TRHDE: variants seen among roughly 807,000 people sequenced by gnomAD.
The protein encoded by TRHDE is thyrotropin releasing hormone degrading enzyme, also known as thyrotropin-releasing hormone-degrading ectoenzyme.
Under a neutral mutation model 125.7 loss-of-function variants are expected in TRHDE, and 72 were observed. The observed-to-expected ratio is 0.57, with a 90% CI of 0.47 to 0.70. TRHDE has a LOEUF of 0.70. Among genes scored for constraint, TRHDE ranks in the 30% least tolerant of loss-of-function variants. TRHDE has a pLI of 0.00. For synonymous variants in TRHDE, 509 were observed against 509.1 expected (o/e 1.00, Z 0.00); for missense variants, 1,110 against 1,327.1 (o/e 0.84, Z 2.54).
chr12:72,102,907 G>A (rs1040135260), intron 1 of TRHDE, among the ~76,000 whole-genome samples: 16 of 152,210 alleles, frequency 1.1e-4, no homozygotes, highest in Non-Finnish European at 2.1e-4. Context: ...CCTGCTCACC[G>A]AAGGCCATAT....
chr12:72,124,635 A>G (rs913857172), intron 2 of TRHDE, among the ~76,000 whole-genome samples: 6 of 152,192 alleles, frequency 3.9e-5, no homozygotes, highest in Admixed American at 6.5e-5. Context: ...GTAATATTCA[A>G]TTGAGTGATT....
At chr12:72,096,050 A>G (rs1874908238) in intron 1 of TRHDE, among the ~76,000 whole-genome samples, 1 of 151,362 alleles carries the variant, frequency 6.6e-6, no homozygotes, top group African/African-American at 2.4e-5. Context: ...CTCCAGTGTG[A>G]TGGCTCACAC....
intron 2 of TRHDE, among the ~76,000 whole-genome samples, chr12:72,228,521 A>G (rs1878182681): frequency 6.6e-6 from 1 of 151,996 alleles, no homozygotes; most frequent in Non-Finnish European, 1.5e-5. Context: ...TGCTGTGAAG[A>G]CCTCTGATGT....
intron 2 of TRHDE, among the ~76,000 whole-genome samples, chr12:72,107,823 T>G (rs1159380439): frequency 2.1e-5 from 3 of 143,714 alleles, no homozygotes; most frequent in Non-Finnish European, 3.0e-5. Context: ...AGACATTTTT[T>G]GAAATCTAAT....
At chr12:72,172,586 A>C (rs1242737389) in intron 2 of TRHDE, among the ~76,000 whole-genome samples, 1 of 152,202 alleles carries the variant, frequency 6.6e-6, no homozygotes, top group African/African-American at 2.4e-5. Context: ...ACTGGTAGTC[A>C]TTAGGGATGG....
intron 2 of TRHDE, among the ~76,000 whole-genome samples, chr12:72,327,609 A>G (rs1173660180): frequency 6.6e-6 from 1 of 152,184 alleles, no homozygotes; most frequent in Non-Finnish European, 1.5e-5. Context: ...TGAGATCACA[A>G]TTAAGAGAAG....
At chr12:72,088,123 C>A (rs758078072) in intron 1 of TRHDE, among the ~76,000 whole-genome samples, 9 of 152,162 alleles carry the variant, frequency 5.9e-5, no homozygotes, top group Non-Finnish European at 1.3e-4. Context: ...GTACTAGCAT[C>A]TTGGGTGCTT....
intron 7 of TRHDE, among the ~76,000 whole-genome samples, chr12:72,557,390 T>A (rs893447335): frequency 1.3e-5 from 2 of 152,174 alleles, no homozygotes; most frequent in Admixed American, 1.3e-4. Flanking sequence ...CTACTTATGA[T>A]AGGAAAGAAT....
At chr12:72,098,420 T>G (rs115259800) in intron 1 of TRHDE, among the ~76,000 whole-genome samples, 5,373 of 152,258 alleles carry the variant, frequency 0.035, 360 homozygotes, top group African/African-American at 0.12. Flanking sequence ...TTAAACATTT[T>G]TTTTTTGTGG....
In TRHDE at chr12:72,169,960, T is replaced by C. The variant is rs1309599674; in HGVS notation, n.279+64208T>C. Among the ~76,000 whole-genome samples, 3 of 152,046 alleles carry C rather than the reference T, an allele frequency of 2.0e-5. No homozygotes were observed. The East Asian group carries it at 5.8e-4, about 29-fold the overall frequency. On this transcript the variant is annotated intron_variant and non_coding_transcript_variant, in intron 2 of 4. Coordinates refer to the TRHDE transcript ENST00000548156. ...TAGGACAAAAGAAAAAGCCAGAGAA[T>C]CACAATGTTATACCAGATTTAGGCT...
intron 2 of TRHDE, among the ~76,000 whole-genome samples, chr12:72,374,099 G>C (rs1368012927): frequency 6.6e-6 from 1 of 152,094 alleles, no homozygotes; most frequent in Non-Finnish European, 1.5e-5. Flanking sequence ...GGTAGTAGTG[G>C]GGTTGTGAGA....
intron 1 of TRHDE, among the ~76,000 whole-genome samples, chr12:72,281,116 TA>T (rs762144649): frequency 2.6e-5 from 4 of 152,184 alleles, no homozygotes; most frequent in Non-Finnish European, 5.9e-5. Flanking sequence ...ATTATTCACA[TA>T]TGCACCACTT....
intron 3 of TRHDE, among the ~76,000 whole-genome samples, chr12:72,442,970 C>G (rs575423429): frequency 2.0e-5 from 3 of 151,826 alleles, no homozygotes; most frequent in Non-Finnish European, 4.4e-5. Context: ...ACCTTTCAAA[C>G]TTGAAAAAGG....
intron 1 of TRHDE, among the ~76,000 whole-genome samples, chr12:72,286,096 A>G (rs935129378): frequency 1.3e-5 from 2 of 152,202 alleles, no homozygotes; most frequent in Non-Finnish European, 1.5e-5. Flanking sequence ...GACCAACTAC[A>G]TCTTAGGAAA....
chr12:72,444,042 A>G (rs1235341404), intron 3 of TRHDE, among the ~76,000 whole-genome samples: 3 of 151,854 alleles, frequency 2.0e-5, no homozygotes. Context: ...CTTTTTGCAT[A>G]TAAAGAAGAA....
At chr12:72,136,206 C>T (rs540120608) in intron 2 of TRHDE, among the ~76,000 whole-genome samples, 1 of 152,076 alleles carries the variant, frequency 6.6e-6, no homozygotes, top group African/African-American at 2.4e-5. Context: ...AAAATGGGCT[C>T]TTGATGGTTT....
chr12:72,335,463 G>A (rs946343109), intron 2 of TRHDE, among the ~76,000 whole-genome samples: 2 of 152,080 alleles, frequency 1.3e-5, no homozygotes, highest in African/African-American at 4.8e-5. Flanking sequence ...GAACCAAAAC[G>A]AGACATTTGG....
At chr12:72,392,150 C>T (rs1478290053) in intron 3 of TRHDE, among the ~76,000 whole-genome samples, 1 of 152,098 alleles carries the variant, frequency 6.6e-6, no homozygotes, top group Admixed American at 6.5e-5. Context: ...ACACTTTTAC[C>T]CTCTAGAACT....
At chr12:72,434,701 C>A (rs1461887590) in intron 3 of TRHDE, among the ~76,000 whole-genome samples, 1 of 152,190 alleles carries the variant, frequency 6.6e-6, no homozygotes, top group African/African-American at 2.4e-5. Context: ...ATGCATGTCT[C>A]TTGAAATCCA....
Sources: gnomAD v4.1 joint callset for allele counts (sites outside exome capture counted in the v4.1 genomes callset) on GRCh38, gnomAD v4.1.1 for gene constraint, MANE v1.5 for transcripts, NCBI Gene and HGNC (gene_info 2026-07-23, HGNC 2026-07-21) for gene names.